TRIM14: variants seen among roughly 807,000 people sequenced by gnomAD.
The protein encoded by TRIM14 is tripartite motif containing 14.
In TRIM14, 28 loss-of-function variants were observed where a neutral mutation model predicts 44.5. The ratio of observed to expected loss-of-function variants is 0.63; its 90% CI spans 0.47 to 0.86. The LOEUF (loss-of-function observed/expected upper bound fraction) is 0.86. Ranked by LOEUF, TRIM14 falls within the 40% of genes least tolerant of loss-of-function variation. TRIM14 has a pLI of 0.00. For synonymous variants in TRIM14, 299 were observed against 269.2 expected (o/e 1.11, Z -1.08); for missense variants, 607 against 611.1 (o/e 0.99, Z 0.07).
At chr9:98,081,930 G>A (rs1381785193), downstream of TRIM14, 1 of 152,348 alleles carries the variant, frequency 6.6e-6, no homozygotes, top group Middle Eastern at 3.4e-3. Context: ...CCAGAAACCA[G>A]AGTAAGATTT....
At position 98,088,010 on chromosome 9, in the gene TRIM14, A is replaced by G. The variant is rs751074866; in HGVS notation, c.794-5T>C. 6.6e-7 allele frequency: 1 copy of G among 1,521,698 alleles called. No individual in the cohort carries two copies. Among genetic ancestry groups the G allele is most frequent in the Non-Finnish European group, 8.7e-7 (1 of 1,148,276 alleles). 94.3% of individuals were successfully genotyped at this position (1,521,698 alleles called of 1,614,324 possible). A position where few individuals can be genotyped will look rare whatever the true frequency, so the allele number is the denominator to read the frequency against. Reference sequence around the variant, plus strand: ...CCAGCGTGGGCGTGCGCGCGTCTGCAGGGGGCGAGACAAGGGACGCACCTG... The same window carrying G: ...CCAGCGTGGGCGTGCGCGCGTCTGCGGGGGGCGAGACAAGGGACGCACCTG... On this transcript the variant is annotated splice_region_variant and splice_polypyrimidine_tract_variant and intron_variant, in intron 5 of 5. Coordinates refer to ENST00000341469, the MANE Select transcript of TRIM14 (RefSeq NM_014788.4).
chr9:98,077,984 G>A, intron 6 of TRIM14: 1 of 612,612 alleles, frequency 1.6e-6, no homozygotes, highest in South Asian at 2.2e-5. Flanking sequence ...CAAGAACACT[G>A]TCGGGGGGCA....
At chr9:98,060,475 C>G in the TRIM14 span, among the ~76,000 whole-genome samples, 1 of 152,058 alleles carries the variant, frequency 6.6e-6, no homozygotes, top group Non-Finnish European at 1.5e-5. Context: ...TCAAGACCAG[C>G]CTGGCCAATG....
In TRIM14 at chr9:98,101,933, G is replaced by A. The variant is rs142141568; in HGVS notation, c.304-1769C>T. Among the ~76,000 whole-genome samples the A allele has an allele frequency of 3.6e-3, 548 of 151,156 alleles. 4 individuals carry two copies. The highest frequency in any genetic ancestry group is 0.012 in the African/African-American group (483 of 41,114). On this transcript the variant is annotated intron_variant, in intron 2 of 5. Coordinates refer to ENST00000341469, the MANE Select transcript of TRIM14 (RefSeq NM_014788.4). ...TGAGGCTTGAGAATCACTTGAGCCC[G>A]GGAGGTGGAGCTTGCAGTGAGCTGA...
chr9:98,109,837 T>TG, intron 2 of TRIM14, 52 bp downstream of exon 2: 2 of 1,479,654 alleles, frequency 1.4e-6, no homozygotes, highest in Admixed American at 1.8e-5. Flanking sequence ...CCCTTTTGTC[T>TG]GGGGGGAAAT....
chr9:98,076,651 C>G (rs949202253), intron 6 of TRIM14: 1 of 396,302 alleles, frequency 2.5e-6, no homozygotes, highest in South Asian at 2.9e-5. Flanking sequence ...CAGGCATGAG[C>G]CACCACGCCC....
the TRIM14 span, among the ~76,000 whole-genome samples, chr9:98,043,887 A>G: frequency 6.6e-6 from 1 of 152,134 alleles, no homozygotes; most frequent in African/African-American, 2.4e-5. Flanking sequence ...CTTGTGCACA[A>G]AGACCATAAT....
Position 98,087,378 on chromosome 9 carries a change from G to A in TRIM14, c.*92C>T, listed in dbSNP as rs1825816634. On this transcript the variant is annotated 3_prime_UTR_variant, in exon 6 of 6. Transcript: ENST00000341469. ...GCAGGGAGAGGGCCCTAAGAAGCAG[G>A]CAGTAAGGGGACCAGCCACGCTGAT... 1 of 1,574,838 alleles carries A rather than the reference G, an allele frequency of 6.3e-7. No individual in the cohort carries two copies.
At chr9:98,047,458 T>C in the TRIM14 span, among the ~76,000 whole-genome samples, 2 of 152,154 alleles carry the variant, frequency 1.3e-5, no homozygotes. Flanking sequence ...TCTAACAGCC[T>C]GGGACTCCTT....
At chr9:98,065,080 G>C (rs1436482855), downstream of TRIM14, among the ~76,000 whole-genome samples, 11 of 152,296 alleles carry the variant, frequency 7.2e-5, no homozygotes, top group South Asian at 2.3e-3. Flanking sequence ...TCAAACTGGT[G>C]ACATAGCAGC....
chr9:98,057,528 C>CT, the TRIM14 span, among the ~76,000 whole-genome samples: 4 of 152,310 alleles, frequency 2.6e-5, no homozygotes, highest in East Asian at 5.8e-4. Flanking sequence ...TCCGTGAACC[C>CT]TTTTCCCCAT....
intron 2 of TRIM14, among the ~76,000 whole-genome samples, chr9:98,100,606 A>G (rs1261923415): frequency 6.6e-6 from 1 of 152,186 alleles, no homozygotes; most frequent in African/African-American, 2.4e-5. Flanking sequence ...GAGAAAACTG[A>G]TAAGAGGTTA....
At chr9:98,108,758 T>C (rs1010798437) in intron 2 of TRIM14, among the ~76,000 whole-genome samples, 1 of 151,956 alleles carries the variant, frequency 6.6e-6, no homozygotes, top group African/African-American at 2.4e-5. Context: ...TGACAGAGAA[T>C]GGACTTTAGG....
the TRIM14 span, among the ~76,000 whole-genome samples, chr9:98,060,558 T>A: frequency 0.3 from 45,113 of 151,938 alleles, 8,400 homozygotes; most frequent in African/African-American, 0.52. Flanking sequence ...TAATCCCAGC[T>A]ACTTGGGAGG....
chr9:98,108,909 G>A (rs1262254729), intron 2 of TRIM14, among the ~76,000 whole-genome samples: 2 of 105,802 alleles, frequency 1.9e-5, no homozygotes, highest in Non-Finnish European at 3.6e-5. Context: ...ATAGGGTTTT[G>A]CTCTGTTGCC....
chr9:98,044,225 G>C, the TRIM14 span, among the ~76,000 whole-genome samples: 1 of 151,774 alleles, frequency 6.6e-6, no homozygotes, highest in African/African-American at 2.4e-5. Context: ...GCCCTTCCTG[G>C]ACAAGCCTTT....
chr9:98,113,061 G>A (rs1256221965), intron 1 of TRIM14, among the ~76,000 whole-genome samples: 1 of 143,502 alleles, frequency 7.0e-6, no homozygotes, highest in Non-Finnish European at 1.5e-5. Flanking sequence ...TTGCAGTGAG[G>A]CAGTTCATGC....
the TRIM14 span, among the ~76,000 whole-genome samples, chr9:98,048,064 C>CAAAAAAAAA: frequency 1.7e-3 from 187 of 107,518 alleles, no homozygotes; most frequent in African/African-American, 5.2e-3. Context: ...GACTCCTTCT[C>CAAAAAAAAA]AAAAAAAAAA....
chr9:98,037,168 A>C, the TRIM14 span, among the ~76,000 whole-genome samples: 1 of 152,204 alleles, frequency 6.6e-6, no homozygotes, highest in Non-Finnish European at 1.5e-5. Flanking sequence ...ACTTGAGGTC[A>C]GGGGTTTGAG....
Sources: gnomAD v4.1 joint callset for allele counts (sites outside exome capture counted in the v4.1 genomes callset) on GRCh38, gnomAD v4.1.1 for gene constraint, MANE v1.5 for transcripts, NCBI Gene and HGNC (gene_info 2026-07-23, HGNC 2026-07-21) for gene names.